PTPRN2: variants seen among roughly 807,000 people sequenced by gnomAD.
PTPRN2 encodes receptor-type tyrosine-protein phosphatase N2.
Under a neutral mutation model 118.8 loss-of-function variants are expected in PTPRN2, and 74 were observed. The ratio of observed to expected loss-of-function variants is 0.62; its 90% CI spans 0.52 to 0.76. The LOEUF is 0.76. Ranked by LOEUF, PTPRN2 falls within the 30% of genes least tolerant of loss-of-function variation. The probability of loss-of-function intolerance (pLI) is 0.00; values close to 1 mark genes in which losing one functional copy is unlikely to be tolerated. For synonymous variants in PTPRN2, 641 were observed against 608.0 expected (o/e 1.05, Z -0.80); for missense variants, 1,481 against 1,394.4 (o/e 1.06, Z -0.99).
chr7:157,947,001 C>T (rs1800527639), intron 11 of PTPRN2, among the ~76,000 whole-genome samples: 2 of 152,160 alleles, frequency 1.3e-5, no homozygotes, highest in South Asian at 4.1e-4. Flanking sequence ...CCTGAGCAGC[C>T]CTGGCCTGCC....
At chr7:157,943,276 T>C (rs1322323240) in intron 11 of PTPRN2, among the ~76,000 whole-genome samples, 1 of 152,142 alleles carries the variant, frequency 6.6e-6, no homozygotes, top group Non-Finnish European at 1.5e-5. Context: ...GGGGCTTTGC[T>C]AGGAAAATGT....
At position 157,801,034 on chromosome 7, in the gene PTPRN2, CATAT is replaced by C. The variant is rs897734562; in HGVS notation, c.1788+97635_1788+97638del. Among the ~76,000 whole-genome samples the C allele has an allele frequency of 6.7e-5, 10 of 148,272 alleles. No individual in the cohort carries two copies. In the East Asian group the frequency reaches 1.8e-3, roughly 26 times the overall value. On this transcript the variant is annotated intron_variant, in intron 12 of 22. Coordinates refer to ENST00000389418, the MANE Select transcript of PTPRN2 (RefSeq NM_002847.5). This position sits in a 1 kb window ranked among gnomAD's most constrained non-coding sequence, Gnocchi z 4.2. ...ACATATACACACACATATATATACA[CATAT>C]ATATACACATATATACACATATATA...
At chr7:158,447,906 C>T (rs1420668923) in intron 2 of PTPRN2, among the ~76,000 whole-genome samples, 1 of 152,248 alleles carries the variant, frequency 6.6e-6, no homozygotes, top group Non-Finnish European at 1.5e-5. Flanking sequence ...CACCCCGGCT[C>T]CTGGCCATGC....
chr7:157,556,695 C>T (rs1798906821), intron 21 of PTPRN2, among the ~76,000 whole-genome samples: 1 of 147,612 alleles, frequency 6.8e-6, no homozygotes, highest in Non-Finnish European at 1.5e-5. Flanking sequence ...ACACACATGC[C>T]CACACACATA....
At chr7:158,333,867 TCACACC>T (rs1482793724) in intron 2 of PTPRN2, among the ~76,000 whole-genome samples, 207 of 135,234 alleles carry the variant, frequency 1.5e-3, no homozygotes, top group African/African-American at 5.6e-3. Context: ...CAGACGTCAC[TCACACC>T]CACACTCTCA....
intron 12 of PTPRN2, among the ~76,000 whole-genome samples, chr7:157,847,357 C>T (rs1260858181): frequency 3.4e-5 from 5 of 148,872 alleles, no homozygotes; most frequent in Admixed American, 2.7e-4. Flanking sequence ...CTTCTGTGCC[C>T]GATGTTTACA....
chr7:157,679,971 C>T (rs1796844682), intron 13 of PTPRN2, among the ~76,000 whole-genome samples: 2 of 152,218 alleles, frequency 1.3e-5, no homozygotes, highest in South Asian at 4.1e-4. Context: ...CTCCTCCACT[C>T]CATCAGAACA....
chr7:158,389,961 G>A (rs2151376124), intron 2 of PTPRN2, among the ~76,000 whole-genome samples: 1 of 152,362 alleles, frequency 6.6e-6, no homozygotes, highest in South Asian at 2.1e-4. Flanking sequence ...GTGCAGCCAG[G>A]CCTCCTGCAT....
At chr7:157,976,828 T>C (rs1272830596) in intron 11 of PTPRN2, among the ~76,000 whole-genome samples, 1 of 151,932 alleles carries the variant, frequency 6.6e-6, no homozygotes, top group African/African-American at 2.4e-5. Context: ...GATATTAAAC[T>C]GTGGGGGTAT....
At chr7:158,168,018 C>T (rs1166003006) in intron 5 of PTPRN2, among the ~76,000 whole-genome samples, 2 of 152,084 alleles carry the variant, frequency 1.3e-5, no homozygotes, top group African/African-American at 4.8e-5. Flanking sequence ...TGGGTTTATT[C>T]GAGGATATTA....
rs186083176 is a variant in PTPRN2 at position 157,961,831 on chromosome 7, T to C, written c.1724-63094A>G. On this transcript the variant is annotated intron_variant, in intron 11 of 22. Transcript: ENST00000389418. ...ATGGGAGCCCGAACATGAGCCTCTG[T>C]CAGGTTTATGGAGGATGAGTTCCAG... Among the ~76,000 whole-genome samples, 1,305 of 152,270 alleles carry C rather than the reference T, an allele frequency of 8.6e-3. 26 individuals carry two copies. The highest frequency in any genetic ancestry group is 0.044 in the South Asian group (210 of 4,814).
At chr7:158,191,122 C>T (rs191872777) in intron 5 of PTPRN2, among the ~76,000 whole-genome samples, 14 of 152,340 alleles carry the variant, frequency 9.2e-5, no homozygotes, top group African/African-American at 2.6e-4. Flanking sequence ...AGTGGCCACG[C>T]GTCCTCTGGG....
At chr7:157,819,628 C>T (rs1307472969) in intron 12 of PTPRN2, among the ~76,000 whole-genome samples, 1 of 151,890 alleles carries the variant, frequency 6.6e-6, no homozygotes, top group Non-Finnish European at 1.5e-5. Context: ...GGCCACGGCA[C>T]AGCCCTCCCC....
At chr7:158,147,853 T>C (rs1820340815) in intron 6 of PTPRN2, among the ~76,000 whole-genome samples, 6 of 124,316 alleles carry the variant, frequency 4.8e-5, no homozygotes, top group Admixed American at 8.2e-5. Context: ...ACGCCACGTG[T>C]CTTTCCCCTT....
chr7:157,570,171 A>G (rs986732854), intron 20 of PTPRN2, among the ~76,000 whole-genome samples: 3 of 152,246 alleles, frequency 2.0e-5, no homozygotes, highest in African/African-American at 7.2e-5. Context: ...CCGCCACGTA[A>G]CCCTCACTGC....
intron 6 of PTPRN2, among the ~76,000 whole-genome samples, chr7:158,139,967 C>T (rs1819218954): frequency 8.0e-6 from 1 of 124,346 alleles, no homozygotes; most frequent in Non-Finnish European, 1.7e-5. Flanking sequence ...CAGTGGGTCC[C>T]TGTGGGCCTG....
chr7:158,290,284 G>A (rs1800033104), intron 3 of PTPRN2, among the ~76,000 whole-genome samples: 1 of 152,172 alleles, frequency 6.6e-6, no homozygotes, highest in African/African-American at 2.4e-5. Context: ...GAGTCCACAG[G>A]GACACTCCTG....
Position 158,274,204 on chromosome 7 carries a change from A to G in PTPRN2, c.277+42615T>C, listed in dbSNP as rs1458236217. Among the ~76,000 whole-genome samples, 75 of 128,932 alleles carry G rather than the reference A, an allele frequency of 5.8e-4. 1 individual carries two copies. Among genetic ancestry groups the G allele is most frequent in the African/African-American group, 2.2e-3 (73 of 33,358 alleles). The allele number at this position is 128,932 out of a possible 152,430, so 84.6% of individuals were successfully genotyped here. A position where few individuals can be genotyped will look rare whatever the true frequency, so the allele number is the denominator to read the frequency against. ...GAGACACACGAGGAGCCGCAGACAC[A>G]GGGGGAGCCGCAGACAGACATGGGA... On this transcript the variant is annotated intron_variant, in intron 3 of 22. Transcript: ENST00000389418.
chr7:157,935,548 G>C (rs1036456768), intron 11 of PTPRN2, among the ~76,000 whole-genome samples: 1 of 152,128 alleles, frequency 6.6e-6, no homozygotes, highest in Non-Finnish European at 1.5e-5. Flanking sequence ...TTCCCTTTAC[G>C]TTCTTGAACA....
Sources: gnomAD v4.1 joint callset for allele counts (sites outside exome capture counted in the v4.1 genomes callset) on GRCh38, gnomAD v4.1.1 for gene constraint, Gnocchi (gnomAD v3.1) non-coding constraint, MANE v1.5 for transcripts, NCBI Gene and HGNC (gene_info 2026-07-23, HGNC 2026-07-21) for gene names.